Variants in CCDC171 observed in about 807,000 individuals in gnomAD.
CCDC171 encodes the protein coiled-coil domain containing 171, also known as coiled-coil domain-containing protein 171.
Under a neutral mutation model 168.2 loss-of-function variants are expected in CCDC171, and 177 were observed. The ratio of observed to expected loss-of-function variants is 1.05; its 90% confidence interval spans 0.93 to 1.19. The LOEUF (loss-of-function observed/expected upper bound fraction) is 1.19, where lower values mean the gene tolerates loss of function less well. Among genes scored for constraint, CCDC171 ranks in the 50% most tolerant of loss-of-function variants. The pLI is 0.00. For synonymous variants in CCDC171, 687 were observed against 540.8 expected, an observed-to-expected ratio of 1.27 and a Z score of -3.75; for missense variants, 1,991 against 1,539.0, an observed-to-expected ratio of 1.29 and a Z score of -4.91.
intron 24 of CCDC171, among the ~76,000 whole-genome samples, chr9:15,901,923 A>C (rs936867268): frequency 1.3e-5 from 2 of 152,188 alleles, no homozygotes; most frequent in African/African-American, 2.4e-5. Context: ...GAGACTTTAA[A>C]ATCTTCTCTG....
chr9:16,045,460 T>C (rs1024188289), intron 1 of CCDC171, among the ~76,000 whole-genome samples: 5 of 152,132 alleles, frequency 3.3e-5, no homozygotes, highest in African/African-American at 1.2e-4. Context: ...TAGGTGCTGG[T>C]AGCACTCCTT....
intron 21 of CCDC171, among the ~76,000 whole-genome samples, chr9:15,825,234 C>G (rs1369080183): frequency 2.6e-5 from 4 of 152,022 alleles, no homozygotes; most frequent in Admixed American, 2.0e-4. Context: ...AAGACACCAA[C>G]CACATGATTG....
intron 21 of CCDC171, among the ~76,000 whole-genome samples, chr9:15,834,937 A>G (rs1030535435): frequency 6.6e-6 from 1 of 152,240 alleles, no homozygotes; most frequent in Non-Finnish European, 1.5e-5. Flanking sequence ...TGTGATGGAA[A>G]TAGAATTCAT....
chr9:15,991,825 C>G (rs192743732), intron 3 of CCDC171, among the ~76,000 whole-genome samples: 1 of 152,146 alleles, frequency 6.6e-6, no homozygotes, highest in Non-Finnish European at 1.5e-5. Flanking sequence ...ACTAGAAAAT[C>G]TAGAAGAAAT....
intron 25 of CCDC171, among the ~76,000 whole-genome samples, chr9:15,950,963 G>A (rs1829086414): frequency 6.6e-6 from 1 of 151,268 alleles, no homozygotes; most frequent in Non-Finnish European, 1.5e-5. Flanking sequence ...AAAGAGGCAG[G>A]GGTTGCAATT....
At chr9:15,735,821 A>T (rs554436186) in intron 16 of CCDC171, among the ~76,000 whole-genome samples, 2 of 152,314 alleles carry the variant, frequency 1.3e-5, no homozygotes, top group African/African-American at 2.4e-5. Context: ...GTTCTGATAG[A>T]CTGTGAGTCC....
the CCDC171 span, among the ~76,000 whole-genome samples, chr9:16,102,200 G>T: frequency 2.0e-5 from 3 of 152,294 alleles, no homozygotes; most frequent in South Asian, 2.1e-4. Context: ...CACAGTCAAA[G>T]AGCAGGGCTA....
intron 24 of CCDC171, among the ~76,000 whole-genome samples, chr9:15,901,348 A>G (rs984839403): frequency 2.0e-5 from 3 of 152,168 alleles, no homozygotes; most frequent in African/African-American, 7.2e-5. Context: ...ATTTTGGGTG[A>G]TAGTGATGTG....
chr9:15,901,290 TA>T (rs1018790094), intron 24 of CCDC171, among the ~76,000 whole-genome samples: 19 of 152,168 alleles, frequency 1.2e-4, no homozygotes, highest in African/African-American at 4.3e-4. Context: ...TATACATTTG[TA>T]AAACCCATAG....
At chr9:15,983,481 TG>T (rs1326536180) in intron 3 of CCDC171, among the ~76,000 whole-genome samples, 2 of 32,702 alleles carry the variant, frequency 6.1e-5, no homozygotes, top group East Asian at 7.1e-4. Flanking sequence ...TGTGATCAGT[TG>T]TGTGTGTGTG....
In CCDC171 at chr9:15,629,388, C is replaced by A. The variant is rs905271806; in HGVS notation, c.822+5975C>A. ...AGAACTACGTGAAGAATGCAGAAGC[C>A]TCAGGAGCCGATGCTATCAACTGGA... On this transcript the variant is annotated intron_variant, in intron 7 of 25. Coordinates refer to ENST00000380701, the MANE Select transcript of CCDC171 (RefSeq NM_173550.4). Among the ~76,000 whole-genome samples, 18 of 152,248 alleles carry A rather than the reference C, an allele frequency of 1.2e-4. 1 individual carries two copies. Among genetic ancestry groups the A allele is most frequent in the African/African-American group, 3.9e-4 (16 of 41,540 alleles).
At chr9:15,943,601 C>T (rs10810486) in intron 25 of CCDC171, among the ~76,000 whole-genome samples, 46,528 of 151,898 alleles carry the variant, frequency 0.31, 8,890 homozygotes, top group East Asian at 0.61. Context: ...GCAGCACCCA[C>T]ACTGTACCTG....
chr9:16,008,209 C>T (rs935483640), intron 3 of CCDC171, among the ~76,000 whole-genome samples: 1 of 152,070 alleles, frequency 6.6e-6, no homozygotes, highest in Non-Finnish European at 1.5e-5. Flanking sequence ...ACAGTTTCAG[C>T]TCTTACATTT....
At chr9:15,826,967 C>G (rs2060038971) in intron 21 of CCDC171, among the ~76,000 whole-genome samples, 1 of 152,200 alleles carries the variant, frequency 6.6e-6, no homozygotes, top group African/African-American at 2.4e-5. Flanking sequence ...TGATCATTCA[C>G]ATTTAAGAAT....
chr9:15,559,276 C>A (rs990972567), intron 1 of CCDC171, among the ~76,000 whole-genome samples: 2 of 152,082 alleles, frequency 1.3e-5, no homozygotes, highest in Non-Finnish European at 2.9e-5. Flanking sequence ...GAGTTCAATT[C>A]CTGGATATCC....
chr9:15,574,963 T>C (rs999846969), intron 3 of CCDC171, among the ~76,000 whole-genome samples: 2 of 152,124 alleles, frequency 1.3e-5, no homozygotes, highest in Non-Finnish European at 2.9e-5. Context: ...CTGAATTGCA[T>C]TGATGTAGGT....
At chr9:15,876,258 A>G (rs974223340) in intron 24 of CCDC171, among the ~76,000 whole-genome samples, 1 of 152,122 alleles carries the variant, frequency 6.6e-6, no homozygotes, top group African/African-American at 2.4e-5. Context: ...ATATGCTGTA[A>G]TATATATTGT....
chr9:15,611,112 T>C (rs556026327), intron 6 of CCDC171, among the ~76,000 whole-genome samples: 1 of 152,116 alleles, frequency 6.6e-6, no homozygotes, highest in African/African-American at 2.4e-5. Flanking sequence ...TAAAAGTGTG[T>C]AGCGCCTCCT....
chr9:16,091,936 G>A, the CCDC171 span, among the ~76,000 whole-genome samples: 1 of 152,148 alleles, frequency 6.6e-6, no homozygotes, highest in East Asian at 1.9e-4. Context: ...GACATAAGAG[G>A]GAACAAGGTT....
Sources: allele counts gnomAD v4.1 joint callset (sites outside exome capture counted in the v4.1 genomes callset), GRCh38; gene constraint gnomAD v4.1.1; transcripts MANE v1.5; gene names NCBI Gene and HGNC (gene_info 2026-07-23, HGNC 2026-07-21).